The following PCDHGA4 variants were observed in gnomAD, a reference collection of about 807,000 sequenced individuals.
PCDHGA4 encodes the protein protocadherin gamma subfamily A, 4.
PCDHGA4 carries 38 observed loss-of-function variants against 54.6 expected under a neutral mutation model. The ratio of observed to expected loss-of-function variants is 0.70; its 90% confidence interval spans 0.54 to 0.91. The LOEUF (loss-of-function observed/expected upper bound fraction) is 0.91. Ranked by LOEUF, PCDHGA4 falls within the 40% of genes least tolerant of loss-of-function variation. PCDHGA4 has a pLI of 0.00. For missense variants in PCDHGA4, 1,298 were observed against 1,220.9 expected, an observed-to-expected ratio of 1.06 and a Z score of -0.94; for synonymous variants, 511 against 512.9, an observed-to-expected ratio of 1.00 and a Z score of 0.05.
At chr5:141,419,974 C>T (rs368697962) in intron 1 of PCDHGA4, 3 of 1,613,962 alleles carry the variant, frequency 1.9e-6, no homozygotes, top group Non-Finnish European at 2.5e-6. Context: ...TCTTTCTCCT[C>T]GCGGTGATTC....
intron 1 of PCDHGA4, among the ~76,000 whole-genome samples, chr5:141,402,429 T>C (rs2094263946): frequency 6.6e-6 from 1 of 151,986 alleles, no homozygotes; most frequent in Admixed American, 6.6e-5. Flanking sequence ...AATTGAAGCA[T>C]CATAAAAAGG....
rs1282403944 is a variant in PCDHGA4 at position 141,485,452 on chromosome 5, G to A, written c.2515-9355G>A. ...TCATCAAGAACCCAATCGACCGAGA[G>A]GCACTGTGTGGGCTCAGTGCCAGCT... On this transcript the variant is annotated intron_variant, in intron 1 of 3. Transcript: ENST00000571252. The surrounding 1 kb of genome is among the most constrained non-coding windows in gnomAD (Gnocchi z 5.7). 2.5e-6 allele frequency: 4 copies of A among 1,614,054 alleles called. No individual in the cohort carries two copies. Among genetic ancestry groups the A allele is most frequent in the East Asian group, 4.5e-5 (2 of 44,884 alleles).
rs753372015 is a variant in PCDHGA4 at position 141,422,180 on chromosome 5, T to C, written c.2514+64559T>C. The stretch of plus-strand genomic sequence containing the variant: ...TTTGAAAAATATAGATTCTATGAGA[T>C]GGAAATTCAAGGCCAAGATGGTGGA... On this transcript the variant is annotated intron_variant, in intron 1 of 3. Coordinates refer to ENST00000571252, the MANE Select transcript of PCDHGA4 (RefSeq NM_018917.4). 1.1e-5 allele frequency: 17 copies of C among 1,562,190 alleles called. No homozygotes were observed. In the African/African-American group the frequency reaches 1.9e-4, roughly 18 times the overall value.
At chr5:141,423,785 A>G (rs531378008) in intron 1 of PCDHGA4, 48 of 1,269,536 alleles carry the variant, frequency 3.8e-5, no homozygotes, top group Non-Finnish European at 4.4e-5. Context: ...TTTAGTTCAT[A>G]TATATTTAGA....
At chr5:141,371,731 A>G in intron 1 of PCDHGA4, 1 of 1,614,042 alleles carries the variant, frequency 6.2e-7, no homozygotes, top group Non-Finnish European at 8.5e-7. Flanking sequence ...CTTGATGTCA[A>G]CGACAACGTT....
intron 1 of PCDHGA4, among the ~76,000 whole-genome samples, chr5:141,405,840 A>G (rs1005736499): frequency 6.6e-6 from 1 of 152,188 alleles, no homozygotes; most frequent in African/African-American, 2.4e-5. Flanking sequence ...GTATAAGTTG[A>G]TATCAGTGTG....
intron 1 of PCDHGA4, chr5:141,389,169 C>G: frequency 6.2e-7 from 1 of 1,614,028 alleles, no homozygotes; most frequent in African/African-American, 1.3e-5. Flanking sequence ...GGGCAAGCCT[C>G]CCCTCTCCTC....
chr5:141,493,808 C>T lies in PCDHGA4; in HGVS notation c.2515-999C>T, dbSNP rs2099750260. On this transcript the variant is annotated intron_variant, in intron 1 of 3. Transcript: ENST00000571252. The surrounding 1 kb of genome is among the most constrained non-coding windows in gnomAD (Gnocchi z 4.3). ...CTTCTCCCTGGAGTAATCTGAGATA[C>T]TCACACTCTCTGCTTCTGGGAGCAA... is the stretch of plus-strand genomic sequence containing the variant. 6.6e-6 allele frequency among the ~76,000 whole-genome samples: 1 copy of T among 152,200 alleles called. No individual in the cohort carries two copies. The highest frequency in any genetic ancestry group is 1.5e-5 in the Non-Finnish European group (1 of 68,042).
intron 1 of PCDHGA4, chr5:141,412,700 G>C (rs537095191): frequency 6.6e-6 from 1 of 152,574 alleles, no homozygotes; most frequent in South Asian, 2.1e-4. Flanking sequence ...TTTTATTAAA[G>C]TGTGTACATT....
intron 1 of PCDHGA4, chr5:141,375,243 C>G: frequency 6.2e-7 from 1 of 1,613,896 alleles, no homozygotes; most frequent in Non-Finnish European, 8.5e-7. Flanking sequence ...TGTTCCATCC[C>G]GAGAAGTCTC....
intron 1 of PCDHGA4, among the ~76,000 whole-genome samples, chr5:141,454,120 T>C (rs956675583): frequency 6.6e-5 from 10 of 152,228 alleles, no homozygotes; most frequent in African/African-American, 2.4e-4. Context: ...ATAGAAGAAA[T>C]AGCTGACCAT....
chr5:141,404,725 G>A (rs1381392805), intron 1 of PCDHGA4: 1 of 1,613,980 alleles, frequency 6.2e-7, no homozygotes, highest in Non-Finnish European at 8.5e-7. Context: ...TGACCAAGGT[G>A]GTGGCAGTGG....
intron 1 of PCDHGA4, among the ~76,000 whole-genome samples, chr5:141,444,029 A>T (rs977610555): frequency 2.6e-5 from 4 of 152,164 alleles, no homozygotes; most frequent in African/African-American, 9.7e-5. Flanking sequence ...AAAGGAATTC[A>T]GTAAATCAGA....
chr5:141,472,980 C>CAAAAAAAAAAAAAAAAAAAAA (rs60579131), intron 1 of PCDHGA4, among the ~76,000 whole-genome samples: 3 of 86,094 alleles, frequency 3.5e-5, no homozygotes, highest in Non-Finnish European at 5.0e-5. Context: ...GAGTGAAACT[C>CAAAAAAAAAAAAAAAAAAAAA]AAAAAAAAAA....
In PCDHGA4 at chr5:141,404,943, TAGCTGAC is replaced by T. The variant is rs770372146; in HGVS notation, c.2514+47326_2514+47332del. On this transcript the variant is annotated intron_variant, in intron 1 of 3. Transcript: ENST00000571252. ...GCCACTGTCACGCTCACAGTAGCCA[TAGCTGAC>T]AGCATCCCAGACATCCTGGCTGACC... 24 of 1,613,914 alleles carry T rather than the reference TAGCTGAC, an allele frequency of 1.5e-5. No individual in the cohort carries two copies. In the East Asian group the frequency reaches 4.0e-4, roughly 27 times the overall value.
chr5:141,375,309 C>T, intron 1 of PCDHGA4: 3 of 1,613,840 alleles, frequency 1.9e-6, no homozygotes, highest in Non-Finnish European at 2.5e-6. Context: ...ACAAATGCAG[C>T]TCTAGACCGG....
intron 1 of PCDHGA4, chr5:141,405,262 C>T (rs1352663124): frequency 1.9e-6 from 3 of 1,614,012 alleles, no homozygotes; most frequent in Non-Finnish European, 2.5e-6. Context: ...ACCTGATCTT[C>T]CCCCAGCCCA....
At chr5:141,406,777 C>G (rs1235306644) in intron 1 of PCDHGA4, among the ~76,000 whole-genome samples, 1 of 152,150 alleles carries the variant, frequency 6.6e-6, no homozygotes, top group Non-Finnish European at 1.5e-5. Flanking sequence ...ATTTCTCTCA[C>G]TTATATATTA....
chr5:141,362,073 G>A (rs1762314491), intron 1 of PCDHGA4: 2 of 1,612,872 alleles, frequency 1.2e-6, no homozygotes, highest in Non-Finnish European at 8.5e-7. Context: ...TGGTCGCTGT[G>A]CGTGATGGAG....
Sources: gnomAD v4.1 joint callset for allele counts (sites outside exome capture counted in the v4.1 genomes callset) on GRCh38, gnomAD v4.1.1 for gene constraint, Gnocchi (gnomAD v3.1) non-coding constraint, MANE v1.5 for transcripts, NCBI Gene and HGNC (gene_info 2026-07-23, HGNC 2026-07-21) for gene names.